The following DNAI1 variants were observed in gnomAD, a reference collection of about 807,000 sequenced individuals.
DNAI1 encodes the protein dynein, axonemal, intermediate polypeptide 1.
DNAI1 carries 67 observed loss-of-function variants against 92.0 expected under a neutral mutation model. The observed-to-expected ratio is 0.73, with a 90% CI of 0.60 to 0.89. DNAI1 has a LOEUF of 0.89. Ranked by LOEUF, DNAI1 falls within the 40% of genes least tolerant of loss-of-function variation. The probability of loss-of-function intolerance (pLI) is 0.00; values close to 1 mark genes in which losing one functional copy is unlikely to be tolerated. For missense variants in DNAI1, 839 were observed against 866.6 expected (o/e 0.97, Z 0.40); for synonymous variants, 323 against 319.6 (o/e 1.01, Z -0.11).
intron 13 of DNAI1, 35 bp from the exon 14 acceptor site, chr9:34,512,074 C>G (rs759842088): frequency 1.9e-6 from 3 of 1,601,806 alleles, no homozygotes; most frequent in Non-Finnish European, 2.6e-6. Context: ...AACACTTTAG[C>G]AGGGTCCCAG....
chr9:34,514,745 T>C lies in DNAI1; in HGVS notation c.1818+6T>C, dbSNP rs773627191. 6.2e-7 allele frequency: 1 copy of C among 1,613,824 alleles called. No homozygotes were observed. Among genetic ancestry groups the C allele is most frequent in the South Asian group, 1.1e-5 (1 of 91,078 alleles). On this transcript the variant is annotated splice_donor_region_variant and intron_variant, in intron 18 of 19. Transcript: ENST00000242317. ...CAGTCACCACAGATGGGAAGGTGAG[T>C]GCCAGCGTCCTGACTTCACTGAGTC...
At chr9:34,510,083 GACTGTGTCAGAGAT>G (rs1212885451) in intron 13 of DNAI1, among the ~76,000 whole-genome samples, 3 of 152,206 alleles carry the variant, frequency 2.0e-5, no homozygotes, top group African/African-American at 7.2e-5. Flanking sequence ...CTCTTAACAG[GACTGTGTCAGAGAT>G]ACTGTGTCAG....
intron 1 of DNAI1, among the ~76,000 whole-genome samples, chr9:34,460,007 C>T (rs939390846): frequency 3.3e-5 from 5 of 152,166 alleles, no homozygotes; most frequent in Admixed American, 6.5e-5. Context: ...AACACTCTGC[C>T]CCAACTATTT....
At chr9:34,472,838 G>A (rs1409117289) in intron 1 of DNAI1, among the ~76,000 whole-genome samples, 1 of 151,950 alleles carries the variant, frequency 6.6e-6, no homozygotes, top group Non-Finnish European at 1.5e-5. Flanking sequence ...GGAGGTCACA[G>A]CTGCAGTGAG....
chr9:34,512,866 C>T (rs1029816234), intron 15 of DNAI1, among the ~76,000 whole-genome samples: 1 of 152,230 alleles, frequency 6.6e-6, no homozygotes, highest in Non-Finnish European at 1.5e-5. Context: ...TTACCCAGGC[C>T]CCCATTCCTG....
chr9:34,500,297 G>A (rs1824803327), intron 10 of DNAI1, among the ~76,000 whole-genome samples: 1 of 152,112 alleles, frequency 6.6e-6, no homozygotes, highest in Admixed American at 6.5e-5. Context: ...TGCATTTTAG[G>A]GATTTAGGAG....
chr9:34,491,045 A>G (rs1824581326), intron 7 of DNAI1, among the ~76,000 whole-genome samples: 2 of 152,336 alleles, frequency 1.3e-5, no homozygotes, highest in African/African-American at 2.4e-5. Flanking sequence ...TGTGGTCCCT[A>G]TGCTAACATT....
At chr9:34,513,079 T>C (rs780281657) in intron 15 of DNAI1, 33 bp from the exon 16 acceptor site, 4 of 1,590,432 alleles carry the variant, frequency 2.5e-6, no homozygotes, top group Non-Finnish European at 3.5e-6. Context: ...CTCTTGGAAC[T>C]GGGCTAAGCC....
In DNAI1 at chr9:34,512,504, C is replaced by A. The variant is rs1340183581; in HGVS notation, c.1489+80C>A. ...GAGGGTCAGTGACAGTGGTCCTTCCCCTGACTGAGTGCTCCCTCCCCAACC... is the reference window on the plus strand; with the variant it reads ...GAGGGTCAGTGACAGTGGTCCTTCCACTGACTGAGTGCTCCCTCCCCAACC... On this transcript the variant is annotated intron_variant, in intron 15 of 19. Coordinates refer to ENST00000242317, the MANE Select transcript of DNAI1 (RefSeq NM_012144.4). The A allele has an allele frequency of 2.9e-6, 4 of 1,356,790 alleles. No individual in the cohort carries two copies. In the East Asian group the frequency reaches 7.2e-5, roughly 24 times the overall value. 84.0% of individuals were successfully genotyped at this position (1,356,790 alleles called of 1,614,324 possible). A position where few individuals can be genotyped will look rare whatever the true frequency, so the allele number is the denominator to read the frequency against.
intron 18 of DNAI1, 137 bp downstream of exon 18, chr9:34,514,876 A>G: frequency 1.1e-6 from 1 of 948,722 alleles, no homozygotes; most frequent in Non-Finnish European, 1.6e-6. Context: ...TGTATTTTCC[A>G]GGGGCAAGCC....
chr9:34,500,070 G>T (rs1226325410), intron 10 of DNAI1, among the ~76,000 whole-genome samples: 2 of 152,108 alleles, frequency 1.3e-5, no homozygotes, highest in Non-Finnish European at 2.9e-5. Flanking sequence ...GAATTAAAAA[G>T]ATAGAAGAAA....
At chr9:34,475,638 C>A (rs1313193537) in intron 1 of DNAI1, among the ~76,000 whole-genome samples, 1 of 152,154 alleles carries the variant, frequency 6.6e-6, no homozygotes, top group Non-Finnish European at 1.5e-5. Flanking sequence ...TCATAACAAG[C>A]CTCTGATTGT....
intron 12 of DNAI1, 48 bp downstream of exon 12, chr9:34,501,229 C>T (rs1344862322): frequency 1.0e-5 from 14 of 1,400,742 alleles, no homozygotes; most frequent in Non-Finnish European, 1.3e-5. Context: ...ACAGCAAACA[C>T]TAAGTACCTA....
At position 34,491,634 on chromosome 9, in the gene DNAI1, T is replaced by C. The variant is rs1824596964; in HGVS notation, c.681+80T>C. On this transcript the variant is annotated intron_variant, in intron 8 of 19. Coordinates refer to ENST00000242317, the MANE Select transcript of DNAI1 (RefSeq NM_012144.4). ...CCTCATTTAGCAGCAAAGGCAACAC[T>C]GGGTCAAGGGCTCCTCTGGCAGTCT... 14 of 1,491,384 alleles carry C rather than the reference T, an allele frequency of 9.4e-6. 1 individual carries two copies. In the South Asian group the frequency reaches 1.6e-4, roughly 17 times the overall value. 92.4% of individuals were successfully genotyped at this position (1,491,384 alleles called of 1,614,324 possible).
intron 4 of DNAI1, 186 bp from the exon 5 acceptor site, chr9:34,489,137 G>A: frequency 1.5e-6 from 1 of 655,042 alleles, no homozygotes; most frequent in Non-Finnish European, 2.6e-6. Context: ...TATTTCATTT[G>A]TCTTCTCTTC....
chr9:34,511,520 A>G (rs1381562046), intron 13 of DNAI1, among the ~76,000 whole-genome samples: 1 of 152,144 alleles, frequency 6.6e-6, no homozygotes, highest in Non-Finnish European at 1.5e-5. Flanking sequence ...ACCCCCCACT[A>G]GCAAGCAGGG....
chr9:34,514,954 A>G, intron 18 of DNAI1, among the ~76,000 whole-genome samples: 1 of 152,182 alleles, frequency 6.6e-6, no homozygotes, highest in South Asian at 2.1e-4. Flanking sequence ...AGAGCTGTTC[A>G]CCTTGGAGGA....
chr9:34,511,913 G>A (rs901754979), intron 13 of DNAI1, among the ~76,000 whole-genome samples, 196 bp from the exon 14 acceptor site: 4 of 152,144 alleles, frequency 2.6e-5, no homozygotes, highest in African/African-American at 9.7e-5. Flanking sequence ...AAAGGAATGA[G>A]AAATCCCCAA....
chr9:34,475,293 T>A (rs576698676), intron 1 of DNAI1, among the ~76,000 whole-genome samples: 1 of 152,310 alleles, frequency 6.6e-6, no homozygotes, highest in Admixed American at 6.5e-5. Context: ...CCAAGACAAC[T>A]GAGATGGTAA....
Sources: allele counts gnomAD v4.1 joint callset (sites outside exome capture counted in the v4.1 genomes callset), GRCh38; gene constraint gnomAD v4.1.1; transcripts MANE v1.5; gene names NCBI Gene and HGNC (gene_info 2026-07-23, HGNC 2026-07-21).